The following PLBD2 variants were observed in gnomAD, a reference collection of about 807,000 sequenced individuals.
PLBD2 encodes the protein putative aminopeptidase PLBD2.
PLBD2 carries 51 observed loss-of-function variants against 68.3 expected under a neutral mutation model. The ratio of observed to expected loss-of-function variants is 0.75; its 90% CI spans 0.60 to 0.94. The LOEUF is 0.94. Ranked by LOEUF, PLBD2 falls within the 40% of genes least tolerant of loss-of-function variation. PLBD2 has a pLI of 0.00. For missense variants in PLBD2, 729 were observed against 792.2 expected, an observed-to-expected ratio of 0.92 and a Z score of 0.96; for synonymous variants, 314 against 339.3, an observed-to-expected ratio of 0.93 and a Z score of 0.82.
chr12:113,377,400 T>A (rs979132675), intron 5 of PLBD2, among the ~76,000 whole-genome samples: 4 of 152,090 alleles, frequency 2.6e-5, no homozygotes, highest in Non-Finnish European at 5.9e-5. Context: ...CCCAGCATCA[T>A]CTCTGTCCTG....
intron 2 of PLBD2, among the ~76,000 whole-genome samples, chr12:113,371,304 A>G (rs983984107): frequency 1.3e-5 from 2 of 152,206 alleles, no homozygotes; most frequent in African/African-American, 4.8e-5. Flanking sequence ...TCCTTAAAAC[A>G]CCATGGGCAG....
chr12:113,375,160 T>G, intron 5 of PLBD2, 153 bp downstream of exon 5: 1 of 733,192 alleles, frequency 1.4e-6, no homozygotes, highest in South Asian at 1.9e-5. Context: ...GTTTTTTTCT[T>G]TTTGAGTTGG....
chr12:113,367,018 A>G (rs1011335128), intron 1 of PLBD2, among the ~76,000 whole-genome samples: 26 of 151,776 alleles, frequency 1.7e-4, no homozygotes, highest in African/African-American at 6.3e-4. Context: ...TGGGGGTTTC[A>G]CCATGTTGGC....
intron 2 of PLBD2, among the ~76,000 whole-genome samples, chr12:113,371,933 C>T (rs1193884082): frequency 6.6e-6 from 1 of 152,202 alleles, no homozygotes; most frequent in African/African-American, 2.4e-5. Context: ...CCAGCTGTGT[C>T]CCCTGATCCC....
intron 5 of PLBD2, among the ~76,000 whole-genome samples, chr12:113,377,660 A>G (rs539977717): frequency 1.1e-4 from 17 of 152,170 alleles, no homozygotes; most frequent in Non-Finnish European, 2.4e-4. Context: ...ACCTGACCTC[A>G]AGTGATCCAA....
At chr12:113,370,483 T>C (rs1185231225) in intron 2 of PLBD2, among the ~76,000 whole-genome samples, 2 of 141,768 alleles carry the variant, frequency 1.4e-5, no homozygotes, top group African/African-American at 5.2e-5. Flanking sequence ...TTTTTTTTTT[T>C]TTTTTTTTTT....
intron 6 of PLBD2, among the ~76,000 whole-genome samples, chr12:113,382,100 G>A (rs1957496564): frequency 6.6e-6 from 1 of 152,180 alleles, no homozygotes; most frequent in Non-Finnish European, 1.5e-5. Flanking sequence ...TGGGATTATA[G>A]GTGTGAGCCA....
In PLBD2 at chr12:113,384,229, C is replaced by A; in HGVS notation, c.1082C>A (p.Thr361Asn). 3 of 1,613,674 alleles carry A rather than the reference C, an allele frequency of 1.9e-6. No individual in the cohort carries two copies. Among genetic ancestry groups the A allele is most frequent in the Non-Finnish European group, 1.7e-6 (2 of 1,179,860 alleles). Residue 361 changes from threonine (T) to asparagine (N), a missense_variant, in exon 7 of 12, where the codon ACC becomes AAC. Transcript: ENST00000280800. This position sits in a 1 kb window ranked among gnomAD's most constrained non-coding sequence, Gnocchi z 4.2. ...VANRLASDGA[T>N]WADIFKRFNS... The stretch of plus-strand genomic sequence containing the variant: ...AACCGCCTGGCCTCGGATGGGGCCA[C>A]CTGGGCAGACATCTTCAAGAGGTTC...
At chr12:113,379,727 G>A (rs1206226462) in intron 5 of PLBD2, among the ~76,000 whole-genome samples, 2 of 151,746 alleles carry the variant, frequency 1.3e-5, no homozygotes, top group Non-Finnish European at 2.9e-5. Flanking sequence ...CAGGAGAAGC[G>A]CTTACAACTG....
At chr12:113,385,345 A>G (rs1957541514) in intron 9 of PLBD2, 62 bp downstream of exon 9, 1 of 1,451,678 alleles carries the variant, frequency 6.9e-7, no homozygotes. Flanking sequence ...CTCCTTGCCC[A>G]GCTCCTTCCT....
rs763941445 is a variant in PLBD2 at position 113,384,110 on chromosome 12, A to G, written c.963A>G (p.Thr321=). ...CCCCCTTGACCTTCCCACAGGTGACACTGGAGACCACCATTGGCAACAAGA... is the reference window on the plus strand; with the variant it reads ...CCCCCTTGACCTTCCCACAGGTGACGCTGGAGACCACCATTGGCAACAAGA... ...DFYILGSGLV[T]LETTIGNKNP... is the part of the protein sequence containing the mutation. Residue 321 remains threonine, a synonymous_variant, in exon 7 of 12, where the codon ACA becomes ACG. Transcript: ENST00000280800. This position sits in a 1 kb window ranked among gnomAD's most constrained non-coding sequence, Gnocchi z 4.2. 2 of 1,607,202 alleles carry G rather than the reference A, an allele frequency of 1.2e-6. No homozygotes were observed. Among genetic ancestry groups the G allele is most frequent in the South Asian group, 1.1e-5 (1 of 90,104 alleles).
intron 1 of PLBD2, among the ~76,000 whole-genome samples, chr12:113,360,380 C>T (rs546504663): frequency 1.9e-4 from 29 of 152,236 alleles, no homozygotes; most frequent in South Asian, 1.5e-3. Flanking sequence ...ACTGTTCAGG[C>T]GAGGAGGGGC....
chr12:113,362,936 C>CA (rs1163961488), intron 1 of PLBD2, among the ~76,000 whole-genome samples: 1 of 151,000 alleles, frequency 6.6e-6, no homozygotes, highest in African/African-American at 2.4e-5. Flanking sequence ...AGGTGTGAGC[C>CA]ACTATACCCA....
In PLBD2 at chr12:113,374,874, C is replaced by T. The variant is rs1185817180; in HGVS notation, c.726C>T (p.Gly242=). 1 of 1,613,936 alleles carries T rather than the reference C, an allele frequency of 6.2e-7. No homozygotes were observed. Among genetic ancestry groups the T allele is most frequent in the East Asian group, 2.2e-5 (1 of 44,894 alleles). Residue 242 remains glycine (G), a synonymous_variant, in exon 5 of 12, where the codon GGC becomes GGT. Coordinates refer to ENST00000280800, the MANE Select transcript of PLBD2 (RefSeq NM_173542.4). ...AGATCAAACCTTCTCTGGGCTCTGG[C>T]TCCTGTTCTGCCCTCATCAAGCTGC... ...KTKIKPSLGS[G]SCSALIKLLP...
At position 113,374,878 on chromosome 12, in the gene PLBD2, T is replaced by C. The variant is rs761114976; in HGVS notation, c.730T>C (p.Cys244Arg). The C allele has an allele frequency of 1.2e-5, 19 of 1,613,938 alleles. No homozygotes were observed. Among genetic ancestry groups the C allele is most frequent in the Non-Finnish European group, 1.6e-5 (19 of 1,180,036 alleles). ...CAAACCTTCTCTGGGCTCTGGCTCC[T>C]GTTCTGCCCTCATCAAGCTGCTCCC... Reference protein sequence around the residue: ...KIKPSLGSGSCSALIKLLPGQ... With the variant: ...KIKPSLGSGSRSALIKLLPGQ... The change falls in exon 5 of 12, where the codon TGT (cysteine) becomes CGT (arginine). Residue 244 changes from cysteine (C) to arginine (R), a missense_variant. Physicochemically the swap from Cys to Arg is radical, Grantham distance 180. Coordinates refer to ENST00000280800, the MANE Select transcript of PLBD2 (RefSeq NM_173542.4).
intron 3 of PLBD2, among the ~76,000 whole-genome samples, chr12:113,374,018 G>A (rs1957414168): frequency 6.6e-6 from 1 of 152,032 alleles, no homozygotes; most frequent in Admixed American, 6.6e-5. Context: ...CAGTGTGCCT[G>A]CCCAAGGCCC....
intron 1 of PLBD2, among the ~76,000 whole-genome samples, chr12:113,363,274 A>G (rs1243820946): frequency 6.6e-6 from 1 of 152,066 alleles, no homozygotes; most frequent in African/African-American, 2.4e-5. Flanking sequence ...ATCTCTGCAA[A>G]AAATATAAAA....
intron 5 of PLBD2, among the ~76,000 whole-genome samples, chr12:113,376,080 C>G (rs1247500800): frequency 1.3e-5 from 2 of 151,904 alleles, no homozygotes. Context: ...TCTTGACCTC[C>G]TGACCTCAAG....
At chr12:113,375,147 T>C in intron 5 of PLBD2, 140 bp downstream of exon 5, 1 of 825,560 alleles carries the variant, frequency 1.2e-6, no homozygotes, top group Non-Finnish European at 1.9e-6. Context: ...TCATTTTGGT[T>C]TTGTTTTTTT....
Sources: gnomAD v4.1 joint callset for allele counts (sites outside exome capture counted in the v4.1 genomes callset) on GRCh38, gnomAD v4.1.1 for gene constraint, Gnocchi (gnomAD v3.1) non-coding constraint, MANE v1.5 for transcripts, NCBI Gene and HGNC (gene_info 2026-07-23, HGNC 2026-07-21) for gene names.